ZFHX3: variants seen among roughly 807,000 people sequenced by gnomAD.
The protein encoded by ZFHX3 is zinc finger homeobox 3, also known as zinc finger homeobox protein 3.
ZFHX3 carries 42 observed loss-of-function variants against 279.1 expected under a neutral mutation model. That is an observed-to-expected ratio of 0.15 (90% CI 0.12 to 0.19). ZFHX3 has a LOEUF of 0.19. Among genes scored for constraint, ZFHX3 ranks in the 10% least tolerant of loss-of-function variants. The pLI, the probability that ZFHX3 is intolerant of heterozygous loss-of-function variation, is 1.00. For synonymous variants in ZFHX3, 2,293 were observed against 1,957.8 expected, an observed-to-expected ratio of 1.17 and a Z score of -4.52; for missense variants, 4,981 against 4,754.0, an observed-to-expected ratio of 1.05 and a Z score of -1.40.
intron 2 of ZFHX3, among the ~76,000 whole-genome samples, chr16:73,509,341 T>C (rs2019382262): frequency 6.6e-6 from 1 of 151,920 alleles, no homozygotes; most frequent in South Asian, 2.1e-4. Flanking sequence ...CCCTACCAAC[T>C]TCCCTTCTCC....
chr16:72,909,449 C>T (rs1464228937), intron 3 of ZFHX3, among the ~76,000 whole-genome samples: 1 of 152,176 alleles, frequency 6.6e-6, no homozygotes, highest in African/African-American at 2.4e-5. Flanking sequence ...AACCCCGTAA[C>T]AAATTTATAC....
chr16:73,134,170 C>T (rs980154743), intron 6 of ZFHX3, among the ~76,000 whole-genome samples: 2 of 151,998 alleles, frequency 1.3e-5, no homozygotes, highest in African/African-American at 2.4e-5. Flanking sequence ...GGTAGAGCTA[C>T]GATTTGAACC....
At chr16:73,419,906 TA>T (rs1019789554) in intron 3 of ZFHX3, among the ~76,000 whole-genome samples, 1 of 146,574 alleles carries the variant, frequency 6.8e-6, no homozygotes, top group Non-Finnish European at 1.5e-5. Flanking sequence ...TATAGATAGA[TA>T]ATTTTTTTTT....
intron 1 of ZFHX3, among the ~76,000 whole-genome samples, chr16:73,036,864 C>A (rs1264208186): frequency 6.6e-6 from 1 of 152,174 alleles, no homozygotes; most frequent in African/African-American, 2.4e-5. Context: ...GTGGCCTACT[C>A]AAGAGGTGAA....
chr16:72,916,301 G>A (rs143352820), intron 3 of ZFHX3, among the ~76,000 whole-genome samples: 1 of 152,316 alleles, frequency 6.6e-6, no homozygotes, highest in East Asian at 1.9e-4. Context: ...TGATATGCTT[G>A]TGAACAATCT....
At chr16:73,585,548 CAT>C (rs1463402676) in intron 2 of ZFHX3, among the ~76,000 whole-genome samples, 5 of 152,162 alleles carry the variant, frequency 3.3e-5, no homozygotes, top group African/African-American at 9.7e-5. Flanking sequence ...CACCATGACA[CAT>C]GTTTACCTAT....
chr16:73,871,718 C>A (rs977345278), intron 1 of ZFHX3, among the ~76,000 whole-genome samples: 1 of 152,086 alleles, frequency 6.6e-6, no homozygotes, highest in Non-Finnish European at 1.5e-5. Flanking sequence ...ATGGCAGTCT[C>A]TCATCAATCC....
At chr16:73,647,026 T>C (rs201826620) in intron 2 of ZFHX3, among the ~76,000 whole-genome samples, 9 of 78,932 alleles carry the variant, frequency 1.1e-4, no homozygotes, top group East Asian at 6.5e-4. Flanking sequence ...TTTTTTTTCT[T>C]TTTTTTTTTT....
chr16:73,312,856 G>C (rs1371576381), intron 4 of ZFHX3, among the ~76,000 whole-genome samples: 1 of 152,200 alleles, frequency 6.6e-6, no homozygotes, highest in Non-Finnish European at 1.5e-5. Flanking sequence ...GCAAACATTT[G>C]TATAATGCGT....
chr16:73,369,373 C>T (rs1204247790), intron 3 of ZFHX3, among the ~76,000 whole-genome samples: 4 of 152,166 alleles, frequency 2.6e-5, no homozygotes, highest in Non-Finnish European at 4.4e-5. Context: ...CGCACTGAAC[C>T]GAGCACCGGG....
intron 5 of ZFHX3, among the ~76,000 whole-genome samples, chr16:73,191,731 T>TG (rs1258841361): frequency 1.3e-5 from 2 of 151,744 alleles, no homozygotes; most frequent in Non-Finnish European, 2.9e-5. Context: ...TTTCTTTTTT[T>TG]TTTCTGCGGG....
intron 3 of ZFHX3, among the ~76,000 whole-genome samples, chr16:73,339,458 G>T (rs2015986904): frequency 6.6e-6 from 1 of 152,258 alleles, no homozygotes; most frequent in Non-Finnish European, 1.5e-5. Context: ...TCAAATAGTG[G>T]TTAATTGTTC....
At chr16:73,207,070 A>T (rs866724596) in intron 5 of ZFHX3, among the ~76,000 whole-genome samples, 1 of 150,810 alleles carries the variant, frequency 6.6e-6, no homozygotes, top group Middle Eastern at 3.4e-3. Context: ...CTAAAATAAA[A>T]TAAAAAATAA....
intron 1 of ZFHX3, among the ~76,000 whole-genome samples, chr16:73,793,011 T>A (rs1567412350): frequency 6.6e-6 from 1 of 152,208 alleles, no homozygotes. Context: ...AGAAAGATGC[T>A]GCCTTTGTTT....
chr16:73,704,521 T>C (rs1312434248), intron 1 of ZFHX3, among the ~76,000 whole-genome samples: 1 of 152,232 alleles, frequency 6.6e-6, no homozygotes, highest in East Asian at 1.9e-4. Context: ...ACAGCCGCAC[T>C]GTACTGCACA....
At chr16:73,654,456 G>A (rs187484128) in intron 2 of ZFHX3, among the ~76,000 whole-genome samples, 1 of 152,128 alleles carries the variant, frequency 6.6e-6, no homozygotes, top group African/African-American at 2.4e-5. Flanking sequence ...CTCTTCTTCA[G>A]TTCTTTTTAT....
In ZFHX3 at chr16:72,786,928, T is replaced by G; in HGVS notation, c.*236A>C. ...TTCAAAAGGACACAATGTAACAGGG[T>G]TAGGGCTTTTTTTTTTTTTTTAATA... On this transcript the variant is annotated 3_prime_UTR_variant, in exon 10 of 10. Transcript: ENST00000268489. 2 of 301,814 alleles carry G rather than the reference T, an allele frequency of 6.6e-6. No homozygotes were observed. The highest frequency in any genetic ancestry group is 5.4e-5 in the Admixed American group (1 of 18,584). 18.7% of individuals were successfully genotyped at this position (301,814 alleles called of 1,614,324 possible). A position where few individuals can be genotyped will look rare whatever the true frequency, so the allele number is the denominator to read the frequency against.
chr16:73,106,786 G>A (rs1966310622), intron 7 of ZFHX3, among the ~76,000 whole-genome samples: 1 of 152,196 alleles, frequency 6.6e-6, no homozygotes, highest in Admixed American at 6.5e-5. Context: ...TGACAATAAT[G>A]ATGGTGCACC....
Position 72,788,039 on chromosome 16 carries a change from C to T in ZFHX3, c.10237G>A (p.Asp3413Asn), listed in dbSNP as rs776947181. The change falls in exon 10 of 10, where the codon GAC (aspartate) becomes AAC (asparagine). Residue 3413 changes from aspartate (D) to asparagine (N), a missense_variant. Coordinates refer to ENST00000268489, the MANE Select transcript of ZFHX3 (RefSeq NM_006885.4). ...GGTTTGGGGGATTCTTTGGCAGGGT[C>T]TTTGTCTGGGGAAGGAGCCCCGGGG... is the stretch of plus-strand genomic sequence containing the variant. Reference protein sequence around the residue: ...VPPGAPSPDKDPAKESPKPEE... With the variant: ...VPPGAPSPDKNPAKESPKPEE... The T allele has an allele frequency of 6.2e-6, 10 of 1,612,334 alleles. No homozygotes were observed. Among genetic ancestry groups the T allele is most frequent in the Non-Finnish European group, 8.5e-6 (10 of 1,179,844 alleles).
Sources: allele counts gnomAD v4.1 joint callset (sites outside exome capture counted in the v4.1 genomes callset), GRCh38; gene constraint gnomAD v4.1.1; transcripts MANE v1.5; gene names NCBI Gene and HGNC (gene_info 2026-07-23, HGNC 2026-07-21).